CCDC178: variants seen among roughly 807,000 people sequenced by gnomAD.
CCDC178 encodes coiled-coil domain-containing protein 178.
CCDC178 carries 126 observed loss-of-function variants against 117.4 expected under a neutral mutation model. The ratio of observed to expected loss-of-function variants is 1.07; its 90% confidence interval spans 0.93 to 1.24. The LOEUF (loss-of-function observed/expected upper bound fraction) is 1.24, where lower values mean the gene tolerates loss of function less well. CCDC178 is among the 50% of genes most tolerant of loss of function. CCDC178 has a pLI of 0.00. For missense variants in CCDC178, 1,030 were observed against 986.9 expected (o/e 1.04, Z -0.59); for synonymous variants, 283 against 313.4 (o/e 0.90, Z 1.02).
intron 7 of CCDC178, 125 bp from the exon 8 acceptor site, chr18:33,349,100 C>T (rs2062936325): frequency 1.8e-6 from 1 of 560,870 alleles, no homozygotes; most frequent in African/African-American, 1.9e-5. Context: ...GATAATCTTA[C>T]TAGATAGGAG....
chr18:32,953,326 T>C (rs2054529749), intron 22 of CCDC178, among the ~76,000 whole-genome samples: 1 of 152,128 alleles, frequency 6.6e-6, no homozygotes, highest in South Asian at 2.1e-4. Flanking sequence ...AGCATTTTGG[T>C]CCAAGCCATT....
chr18:33,279,863 A>G (rs2059999176), intron 12 of CCDC178, among the ~76,000 whole-genome samples: 1 of 152,198 alleles, frequency 6.6e-6, no homozygotes, highest in Non-Finnish European at 1.5e-5. Flanking sequence ...AGGATTCCCT[A>G]TTTAATAAAT....
intron 21 of CCDC178, among the ~76,000 whole-genome samples, chr18:33,010,268 T>C (rs187324690): frequency 6.6e-6 from 1 of 152,288 alleles, no homozygotes; most frequent in Admixed American, 6.5e-5. Context: ...TCAGACCTGT[T>C]ATTCTAACGG....
intron 3 of CCDC178, among the ~76,000 whole-genome samples, chr18:33,403,871 T>C (rs2063744122): frequency 6.6e-6 from 1 of 152,178 alleles, no homozygotes; most frequent in African/African-American, 2.4e-5. Flanking sequence ...TACTTTTATC[T>C]CCAGCTCCAC....
intron 5 of CCDC178, among the ~76,000 whole-genome samples, chr18:33,384,461 G>C (rs2063472365): frequency 6.6e-6 from 1 of 152,136 alleles, no homozygotes; most frequent in African/African-American, 2.4e-5. Flanking sequence ...GGCAGCCAGA[G>C]AGAAAGGCAA....
At chr18:33,419,243 A>C (rs1419211259) in intron 2 of CCDC178, among the ~76,000 whole-genome samples, 4 of 152,220 alleles carry the variant, frequency 2.6e-5, no homozygotes, top group Admixed American at 6.5e-5. Context: ...CTATATGCAA[A>C]AGATTGAAAC....
chr18:33,432,928 T>C lies in CCDC178; in HGVS notation c.-23+7034A>G, dbSNP rs140360321. 1.7e-3 allele frequency among the ~76,000 whole-genome samples: 263 copies of C among 152,332 alleles called. 1 individual carries two copies. The highest frequency in any genetic ancestry group is 3.4e-3 in the Middle Eastern group (1 of 294). On this transcript the variant is annotated intron_variant, in intron 2 of 22. Transcript: ENST00000383096. Reference sequence around the variant, plus strand: ...ATATGATCTTTAAGAGGTTTAATTATTGCCTTTGTAAGAGAGACTGATATT... The same window carrying C: ...ATATGATCTTTAAGAGGTTTAATTACTGCCTTTGTAAGAGAGACTGATATT...
chr18:33,248,495 C>T (rs893068691), intron 14 of CCDC178, among the ~76,000 whole-genome samples: 105 of 149,406 alleles, frequency 7.0e-4, no homozygotes, highest in African/African-American at 2.3e-3. Context: ...TCAATTCCCA[C>T]CTATGAGTGA....
chr18:33,083,640 C>T (rs2057332702), intron 21 of CCDC178, among the ~76,000 whole-genome samples: 1 of 152,120 alleles, frequency 6.6e-6, no homozygotes, highest in Non-Finnish European at 1.5e-5. Context: ...ACATACCAGG[C>T]AATACTTATT....
At chr18:33,385,581 T>C (rs1285363584) in intron 5 of CCDC178, among the ~76,000 whole-genome samples, 1 of 152,082 alleles carries the variant, frequency 6.6e-6, no homozygotes, top group East Asian at 1.9e-4. Flanking sequence ...CACAACTACA[T>C]GGAAACTGAA....
intron 22 of CCDC178, among the ~76,000 whole-genome samples, chr18:32,944,955 A>C (rs1023067076): frequency 6.6e-6 from 1 of 152,194 alleles, no homozygotes; most frequent in African/African-American, 2.4e-5. Flanking sequence ...TGCAACTGTG[A>C]GTTCATTAAA....
At chr18:33,082,499 T>C (rs540651544) in intron 21 of CCDC178, among the ~76,000 whole-genome samples, 134 of 152,118 alleles carry the variant, frequency 8.8e-4, no homozygotes, top group Non-Finnish European at 8.7e-4. Context: ...ACTTAGAGCA[T>C]AGCATGCAAA....
chr18:33,341,088 G>A (rs1208451938), intron 9 of CCDC178, among the ~76,000 whole-genome samples: 1 of 152,204 alleles, frequency 6.6e-6, no homozygotes, highest in Non-Finnish European at 1.5e-5. Context: ...AGCCACAGGG[G>A]TGCAGCTGCC....
At chr18:33,030,309 A>G (rs2056310553) in intron 21 of CCDC178, among the ~76,000 whole-genome samples, 2 of 152,096 alleles carry the variant, frequency 1.3e-5, no homozygotes, top group Non-Finnish European at 2.9e-5. Flanking sequence ...TGTATAATAC[A>G]TCATTTTTCC....
At chr18:33,062,527 T>C (rs981340110) in intron 21 of CCDC178, among the ~76,000 whole-genome samples, 1 of 152,126 alleles carries the variant, frequency 6.6e-6, no homozygotes, top group Non-Finnish European at 1.5e-5. Context: ...TGGCTGGAAT[T>C]GACTCAGAGC....
chr18:33,439,460 T>G (rs1056368683), intron 2 of CCDC178, among the ~76,000 whole-genome samples: 8 of 152,328 alleles, frequency 5.3e-5, no homozygotes, highest in African/African-American at 1.9e-4. Context: ...TAGACAGATA[T>G]AGTTTATAAT....
At chr18:33,029,965 T>C (rs1381370460) in intron 21 of CCDC178, among the ~76,000 whole-genome samples, 1 of 152,048 alleles carries the variant, frequency 6.6e-6, no homozygotes, top group Non-Finnish European at 1.5e-5. Flanking sequence ...GGATGGAGTA[T>C]TCTATATATT....
intron 21 of CCDC178, among the ~76,000 whole-genome samples, chr18:33,041,448 A>G (rs1308774525): frequency 4.0e-5 from 6 of 150,230 alleles, no homozygotes; most frequent in Non-Finnish European, 7.4e-5. Flanking sequence ...GTTATATTAG[A>G]AAAAATCTAA....
intron 21 of CCDC178, among the ~76,000 whole-genome samples, chr18:33,028,376 T>G (rs1441722224): frequency 6.6e-6 from 1 of 151,802 alleles, no homozygotes; most frequent in East Asian, 1.9e-4. Flanking sequence ...AAAATTTAAA[T>G]GAAATGAACA....
Sources: gnomAD v4.1 joint callset for allele counts (sites outside exome capture counted in the v4.1 genomes callset) on GRCh38, gnomAD v4.1.1 for gene constraint, MANE v1.5 for transcripts, NCBI Gene and HGNC (gene_info 2026-07-23, HGNC 2026-07-21) for gene names.